The following SPATA1 variants were observed in gnomAD, a reference collection of about 807,000 sequenced individuals.
SPATA1 encodes spermatogenesis associated 1.
A neutral mutation model predicts 59.6 loss-of-function variants in SPATA1; 57 were observed. The ratio of observed to expected loss-of-function variants is 0.96; its 90% CI spans 0.77 to 1.19. SPATA1 has a LOEUF of 1.19. SPATA1 is among the 50% of genes most tolerant of loss of function. The pLI is 0.00. For synonymous variants in SPATA1, 147 were observed against 163.9 expected, an observed-to-expected ratio of 0.90 and a Z score of 0.79; for missense variants, 448 against 480.7, an observed-to-expected ratio of 0.93 and a Z score of 0.64.
Position 84,513,842 on chromosome 1 carries a change from A to ATTTTTTTTTTT in SPATA1, c.-137-2374_-137-2364dup, listed in dbSNP as rs60377217. 2.4e-4 allele frequency among the ~76,000 whole-genome samples: 30 copies of ATTTTTTTTTTT among 125,032 alleles called. 3 individuals carry two copies. Among genetic ancestry groups the ATTTTTTTTTTT allele is most frequent in the African/African-American group, 8.1e-4 (25 of 31,002 alleles). The allele number at this position is 125,032 out of a possible 152,430, so 82.0% of individuals were successfully genotyped here. Reference sequence around the variant, plus strand: ...TGATGACTTCTCTTTTCTATATTCTATTTTTTTTTTTTTTTTTGAGACGGA... The same window carrying ATTTTTTTTTTT: ...TGATGACTTCTCTTTTCTATATTCTATTTTTTTTTTTTTTTTTTTTTTTTTTTTGAGACGGA... On this transcript the variant is annotated intron_variant, in intron 1 of 12. Coordinates refer to ENST00000490879, the Ensembl canonical transcript of SPATA1.
At chr1:84,522,453 T>C (rs750367919) in exon 4 of SPATA1, 1 of 1,548,572 alleles carries the variant, frequency 6.5e-7, no homozygotes, top group East Asian at 2.3e-5. Flanking sequence ...TGGGTGAAGA[T>C]GCTATTGCAG....
rs140414767 is a variant in SPATA1 at position 84,509,916 on chromosome 1, G to A, written c.-138+3498G>A. On this transcript the variant is annotated intron_variant, in intron 1 of 12. Transcript: ENST00000490879. ...TAAAAACCTGCACAGGGCCAGGCACGGTGGCTTACGCTTGTAATCCCAGCA... is the reference window on the plus strand; with the variant it reads ...TAAAAACCTGCACAGGGCCAGGCACAGTGGCTTACGCTTGTAATCCCAGCA... Among the ~76,000 whole-genome samples the A allele has an allele frequency of 3.7e-4, 57 of 152,204 alleles. 1 individual carries two copies. The highest frequency in any genetic ancestry group is 1.2e-3 in the African/African-American group (49 of 41,520).
chr1:84,513,019 A>G (rs2101915116), intron 1 of SPATA1, among the ~76,000 whole-genome samples: 1 of 144,978 alleles, frequency 6.9e-6, no homozygotes, highest in Admixed American at 6.8e-5. Flanking sequence ...AGTAATAGGT[A>G]AAAAATGTGA....
rs752268798 is a variant in SPATA1 at position 84,553,115 on chromosome 1, T to C, written c.1305T>C (p.Asn435=). 3.3e-5 allele frequency: 49 copies of C among 1,492,792 alleles called. 2 individuals carry two copies. In the South Asian group the frequency reaches 5.6e-4, roughly 17 times the overall value. 92.5% of individuals were successfully genotyped at this position (1,492,792 alleles called of 1,614,324 possible). The change falls in exon 13 of 13, where the codon AAT becomes AAC. Residue 435 remains asparagine (N), a synonymous_variant. Transcript: ENST00000490879. The stretch of plus-strand genomic sequence containing the variant: ...AAAAAAAAATAATACATCTCTACAA[T>C]CTCAATTAGGTATGTTAATTTAAAA...
At chr1:84,544,119 T>G (rs1053043299) in intron 8 of SPATA1, 83 bp from the exon 9 acceptor site, 2 of 872,790 alleles carry the variant, frequency 2.3e-6, no homozygotes, top group Non-Finnish European at 3.7e-6. Flanking sequence ...CATTTCTGGT[T>G]TGCATTATCA....
chr1:84,559,029 A>C (rs913194208), downstream of SPATA1, among the ~76,000 whole-genome samples: 4 of 152,188 alleles, frequency 2.6e-5, no homozygotes, highest in Non-Finnish European at 4.4e-5. Context: ...TCTATGTTAC[A>C]TATTTTTAAA....
At chr1:84,550,405 T>C (rs375727865) in intron 11 of SPATA1, 27 bp from the exon 12 acceptor site, 6 of 1,227,382 alleles carry the variant, frequency 4.9e-6, no homozygotes, top group Non-Finnish European at 6.7e-6. Flanking sequence ...TATGTTATAC[T>C]AAATAAATAT....
At chr1:84,545,734 A>G in exon 10 of SPATA1, 2 of 1,526,282 alleles carry the variant, frequency 1.3e-6, no homozygotes, top group South Asian at 1.4e-5. Flanking sequence ...AGCTATTTGA[A>G]CAAAGCAAAT....
chr1:84,520,807 T>C (rs777571282), intron 3 of SPATA1, 116 bp downstream of exon 3: 12 of 700,152 alleles, frequency 1.7e-5, no homozygotes, highest in Non-Finnish European at 2.6e-5. Context: ...GTCCACGTGA[T>C]AGATCCATTT....
intron 4 of SPATA1, among the ~76,000 whole-genome samples, chr1:84,562,864 A>G (rs1338355844): frequency 1.3e-5 from 2 of 152,118 alleles, no homozygotes. Context: ...TCCCTATGTA[A>G]GTCTCATCAG....
chr1:84,563,337 T>C, intron 4 of SPATA1: 1 of 1,599,722 alleles, frequency 6.3e-7, no homozygotes, highest in Non-Finnish European at 8.5e-7. Flanking sequence ...TTCATGATCG[T>C]TTTGTAGGGC....
intron 11 of SPATA1, 130 bp from the exon 12 acceptor site, chr1:84,550,297 GTTTAC>G (rs1684232062): frequency 2.3e-6 from 1 of 432,952 alleles, no homozygotes; most frequent in African/African-American, 2.1e-5. Flanking sequence ...AAGCAATTTA[GTTTAC>G]TTTACGGAAT....
intron 8 of SPATA1, among the ~76,000 whole-genome samples, chr1:84,539,146 G>A (rs932142914): frequency 6.6e-6 from 1 of 152,188 alleles, no homozygotes; most frequent in African/African-American, 2.4e-5. Context: ...GATGCTTGAT[G>A]TATAGTAGAT....
At chr1:84,516,151 A>AT in intron 1 of SPATA1, 72 bp from the exon 2 acceptor site, 1 of 482,522 alleles carries the variant, frequency 2.1e-6, no homozygotes, top group East Asian at 3.7e-5. Flanking sequence ...AAGATTGTAT[A>AT]TATGTCTAAG....
At chr1:84,529,097 T>C (rs2101960855) in intron 6 of SPATA1, among the ~76,000 whole-genome samples, 1 of 152,242 alleles carries the variant, frequency 6.6e-6, no homozygotes, top group Non-Finnish European at 1.5e-5. Context: ...ATATTTTTTA[T>C]ATATCTGGCA....
At chr1:84,555,043 C>T (rs1415763130), downstream of SPATA1, 1 of 1,613,864 alleles carries the variant, frequency 6.2e-7, no homozygotes, top group East Asian at 2.2e-5. Flanking sequence ...CACATTTCTT[C>T]AGTTTGCTGT....
intron 8 of SPATA1, among the ~76,000 whole-genome samples, chr1:84,537,899 C>G (rs1226800065): frequency 6.6e-6 from 1 of 152,176 alleles, no homozygotes; most frequent in African/African-American, 2.4e-5. Context: ...CTTTGAAGGA[C>G]TTACTCAGCA....
intron 11 of SPATA1, 27 bp from the exon 12 acceptor site, chr1:84,550,405 T>G (rs375727865): frequency 1.7e-5 from 21 of 1,227,384 alleles, no homozygotes; most frequent in Non-Finnish European, 2.3e-5. Context: ...TATGTTATAC[T>G]AAATAAATAT....
chr1:84,561,029 A>G (rs1220752719), intron 4 of SPATA1, among the ~76,000 whole-genome samples: 1 of 152,228 alleles, frequency 6.6e-6, no homozygotes, highest in African/African-American at 2.4e-5. Context: ...AGTAATTTCA[A>G]CTTTTAACTC....
Sources: gnomAD v4.1 joint callset for allele counts (sites outside exome capture counted in the v4.1 genomes callset) on GRCh38, gnomAD v4.1.1 for gene constraint, MANE v1.5 for transcripts, NCBI Gene and HGNC (gene_info 2026-07-23, HGNC 2026-07-21) for gene names.